Variants in SPATA6L observed in about 807,000 individuals in gnomAD.
The protein encoded by SPATA6L is spermatogenesis associated 6-like protein.
Under a neutral mutation model 49.2 loss-of-function variants are expected in SPATA6L, and 68 were observed. The ratio of observed to expected loss-of-function variants is 1.38; its 90% confidence interval spans 1.14 to 1.69. The LOEUF (loss-of-function observed/expected upper bound fraction) is 1.69. Ranked by LOEUF, SPATA6L falls within the 40% of genes most tolerant of loss-of-function variation. The pLI is 0.00. For missense variants in SPATA6L, 668 were observed against 464.3 expected, an observed-to-expected ratio of 1.44 and a Z score of -4.03; for synonymous variants, 198 against 165.7, an observed-to-expected ratio of 1.19 and a Z score of -1.50.
At chr9:4,659,404 C>G (rs1175152484) in intron 2 of SPATA6L, among the ~76,000 whole-genome samples, 1 of 151,760 alleles carries the variant, frequency 6.6e-6, no homozygotes, top group African/African-American at 2.4e-5. Flanking sequence ...AGAGCGAAAT[C>G]ATGAGTGAAC....
At chr9:4,638,659 G>A (rs1286600376) in intron 3 of SPATA6L, among the ~76,000 whole-genome samples, 2 of 152,062 alleles carry the variant, frequency 1.3e-5, no homozygotes, top group Non-Finnish European at 2.9e-5. Flanking sequence ...CCTCCATCCA[G>A]AAACTCTGAA....
In SPATA6L at chr9:4,617,924, T is replaced by G. The variant is rs1201828879; in HGVS notation, c.994A>C (p.Arg332=). 2 of 1,605,098 alleles carry G rather than the reference T, an allele frequency of 1.2e-6. No homozygotes were observed. The highest frequency in any genetic ancestry group is 2.2e-5 in the East Asian group (1 of 44,566). ...GPLDQPLLRE[R]FHPGSQSTWK... ...AACAGATGGGTGCTTGCCACTGACC[T>G]TTCTCTGAGAAGGGGCTGATCCAAG... Residue 332 remains arginine (R), a splice_region_variant and synonymous_variant, in exon 9 of 12, where the codon AGG becomes CGG. Coordinates refer to ENST00000682582, the MANE Select transcript of SPATA6L (RefSeq NM_001353486.2).
At chr9:4,593,406 C>T (rs1000129259), downstream of SPATA6L, among the ~76,000 whole-genome samples, 3 of 152,108 alleles carry the variant, frequency 2.0e-5, no homozygotes, top group Non-Finnish European at 4.4e-5. Context: ...GTATCCCTCC[C>T]TTATATCACC....
At chr9:4,660,333 A>G (rs1236886638) in intron 2 of SPATA6L, among the ~76,000 whole-genome samples, 1 of 152,266 alleles carries the variant, frequency 6.6e-6, no homozygotes, top group East Asian at 1.9e-4. Context: ...ACAAATTTAC[A>G]AGAAAAAATC....
chr9:4,652,404 A>G (rs1036208189), intron 3 of SPATA6L, among the ~76,000 whole-genome samples: 2 of 152,164 alleles, frequency 1.3e-5, no homozygotes, highest in Non-Finnish European at 2.9e-5. Context: ...AAACAAAAAC[A>G]AAAACAAAAT....
intron 3 of SPATA6L, among the ~76,000 whole-genome samples, chr9:4,636,552 G>A (rs1042912433): frequency 2.6e-5 from 4 of 152,206 alleles, no homozygotes; most frequent in East Asian, 3.9e-4. Context: ...AGTGGTCCCC[G>A]CACAGAGGAC....
At chr9:4,663,916 C>G (rs1019951261) in intron 1 of SPATA6L, 4 of 167,064 alleles carry the variant, frequency 2.4e-5, no homozygotes, top group Middle Eastern at 6.8e-3. Flanking sequence ...TAATACTTGT[C>G]TTTCTCTCCT....
chr9:4,641,817 A>C (rs1028831948), intron 3 of SPATA6L, among the ~76,000 whole-genome samples: 1 of 152,188 alleles, frequency 6.6e-6, no homozygotes, highest in Non-Finnish European at 1.5e-5. Context: ...CTGTTGCCCA[A>C]GCTGGAGTGC....
chr9:4,650,277 T>C (rs1170487405), intron 3 of SPATA6L, among the ~76,000 whole-genome samples: 2 of 152,202 alleles, frequency 1.3e-5, no homozygotes, highest in South Asian at 2.1e-4. Context: ...CCTTTCTCTA[T>C]ATTCTGCTAT....
At chr9:4,646,705 G>A (rs1053352359) in intron 3 of SPATA6L, among the ~76,000 whole-genome samples, 2 of 152,074 alleles carry the variant, frequency 1.3e-5, no homozygotes, top group Non-Finnish European at 1.5e-5. Flanking sequence ...CCAATCAAGA[G>A]AGTGGAATGA....
intron 4 of SPATA6L, among the ~76,000 whole-genome samples, chr9:4,631,633 G>A (rs1279715161): frequency 6.6e-6 from 1 of 152,118 alleles, no homozygotes; most frequent in East Asian, 1.9e-4. Context: ...ACATGCTAGT[G>A]GAGGAAATAA....
chr9:4,599,955 C>T lies in SPATA6L; in HGVS notation c.*856G>A, dbSNP rs1822817725. ...TGTATCAATGAAGACAAATGTGCCT[C>T]TAGTCTCCCTTTATCCCAGCCCCTT... On this transcript the variant is annotated 3_prime_UTR_variant, in exon 12 of 12. Coordinates refer to ENST00000682582, the MANE Select transcript of SPATA6L (RefSeq NM_001353486.2). 6.6e-6 allele frequency among the ~76,000 whole-genome samples: 1 copy of T among 152,192 alleles called. No individual in the cohort carries two copies. The highest frequency in any genetic ancestry group is 2.1e-4 in the South Asian group (1 of 4,832).
intron 9 of SPATA6L, among the ~76,000 whole-genome samples, chr9:4,606,263 G>A (rs59612971): frequency 0.13 from 18,824 of 142,520 alleles, 3,249 homozygotes; most frequent in African/African-American, 0.39. Flanking sequence ...GGTAAACAAA[G>A]CAGCCGGAAG....
At chr9:4,665,438 T>C (rs545427690) in intron 1 of SPATA6L, among the ~76,000 whole-genome samples, 3 of 152,224 alleles carry the variant, frequency 2.0e-5, no homozygotes, top group Admixed American at 6.5e-5. Context: ...CCAGGAAATG[T>C]TGATCACCTT....
intron 4 of SPATA6L, chr9:4,633,747 A>G (rs1388166224): frequency 6.6e-6 from 1 of 152,404 alleles, no homozygotes; most frequent in East Asian, 1.9e-4. Flanking sequence ...GTGAGCTTCT[A>G]CTTCTGAGTC....
intron 8 of SPATA6L, 94 bp from the exon 9 acceptor site, chr9:4,618,204 G>C: frequency 1.9e-6 from 2 of 1,079,512 alleles, no homozygotes; most frequent in Non-Finnish European, 2.7e-6. Context: ...GATAACTCGG[G>C]CTAAGATGAC....
chr9:4,596,883 T>C (rs756021505), downstream of SPATA6L, among the ~76,000 whole-genome samples: 1 of 152,174 alleles, frequency 6.6e-6, no homozygotes, highest in Non-Finnish European at 1.5e-5. Context: ...GACGCTTGCT[T>C]TTCTGAGCCT....
chr9:4,634,211 A>G (rs10283787), intron 4 of SPATA6L, among the ~76,000 whole-genome samples: 32,967 of 152,164 alleles, frequency 0.22, 5,255 homozygotes, highest in African/African-American at 0.42. Context: ...TCCCCTACCT[A>G]ATTCTCATCA....
intron 5 of SPATA6L, chr9:4,628,030 T>C (rs909607653): frequency 4.0e-5 from 14 of 351,902 alleles, no homozygotes; most frequent in South Asian, 2.4e-4. Context: ...TTCTCACTTA[T>C]TTGTGGGAGC....
Sources: allele counts gnomAD v4.1 joint callset (sites outside exome capture counted in the v4.1 genomes callset), GRCh38; gene constraint gnomAD v4.1.1; transcripts MANE v1.5; gene names NCBI Gene and HGNC (gene_info 2026-07-23, HGNC 2026-07-21).